SLC9B2: variants seen among roughly 807,000 people sequenced by gnomAD.
SLC9B2 encodes sodium/hydrogen exchanger 9B2.
SLC9B2 carries 39 observed loss-of-function variants against 52.2 expected under a neutral mutation model. That is an observed-to-expected ratio of 0.75 (90% CI 0.58 to 0.98). The LOEUF (loss-of-function observed/expected upper bound fraction) is 0.98. Among genes scored for constraint, SLC9B2 ranks in the 50% least tolerant of loss-of-function variants. SLC9B2 has a pLI of 0.00. For missense variants in SLC9B2, 626 were observed against 637.5 expected, an observed-to-expected ratio of 0.98 and a Z score of 0.19; for synonymous variants, 214 against 227.0, an observed-to-expected ratio of 0.94 and a Z score of 0.51.
At chr4:103,036,236 A>G (rs532715803) in intron 9 of SLC9B2, among the ~76,000 whole-genome samples, 11 of 152,338 alleles carry the variant, frequency 7.2e-5, no homozygotes, top group Admixed American at 2.6e-4. Context: ...ACATCGATGG[A>G]GCTGGAGGCC....
At chr4:103,072,513 A>AAT (rs1746750691) in intron 1 of SLC9B2, among the ~76,000 whole-genome samples, 1 of 152,212 alleles carries the variant, frequency 6.6e-6, no homozygotes, top group African/African-American at 2.4e-5. Flanking sequence ...CATTTCTGTA[A>AAT]ATATGTTTTC....
intron 4 of SLC9B2, among the ~76,000 whole-genome samples, chr4:103,050,698 A>G (rs993647551): frequency 1.3e-5 from 2 of 152,396 alleles, no homozygotes; most frequent in Non-Finnish European, 2.9e-5. Flanking sequence ...CAGCTCAGTC[A>G]GCCCTTTGCG....
chr4:103,047,118 A>G lies in SLC9B2; in HGVS notation c.822T>C (p.Ala274=), dbSNP rs1202250417. 6.2e-7 allele frequency: 1 copy of G among 1,613,964 alleles called. No homozygotes were observed. The highest frequency in any genetic ancestry group is 2.2e-5 in the East Asian group (1 of 44,884). ...EKGVPTLLMA[A]GSFDDILAIT... The stretch of plus-strand genomic sequence containing the variant: ...TGGCCAGAATGTCATCGAAGCTGCC[A>G]GCTGCCATGAGCAAGGTTGGGACAC... The change falls in exon 7 of 12, where the codon GCT becomes GCC. Residue 274 remains alanine, a synonymous_variant. Coordinates refer to ENST00000394785, the MANE Select transcript of SLC9B2 (RefSeq NM_178833.7).
chr4:103,057,531 T>A (rs1382294726), intron 4 of SLC9B2, among the ~76,000 whole-genome samples: 1 of 151,996 alleles, frequency 6.6e-6, no homozygotes, highest in Non-Finnish European at 1.5e-5. Context: ...GGTCTCGAAC[T>A]CCAGAGCTCA....
intron 9 of SLC9B2, among the ~76,000 whole-genome samples, chr4:103,035,501 T>G (rs1022233133): frequency 1.3e-5 from 2 of 152,208 alleles, no homozygotes; most frequent in Admixed American, 1.3e-4. Context: ...ATATACCCAG[T>G]AATAGGATTG....
chr4:103,067,268 T>G (rs977167112), intron 2 of SLC9B2, among the ~76,000 whole-genome samples, 193 bp downstream of exon 2: 4 of 152,170 alleles, frequency 2.6e-5, no homozygotes, highest in Non-Finnish European at 5.9e-5. Flanking sequence ...ATTCTAGAGA[T>G]TAGGTCAGAG....
At chr4:103,047,382 T>C (rs1278870354) in intron 6 of SLC9B2, among the ~76,000 whole-genome samples, 156 bp from the exon 7 acceptor site, 5 of 146,952 alleles carry the variant, frequency 3.4e-5, no homozygotes, top group African/African-American at 1.4e-4. Context: ...TAAGAATTGT[T>C]TTTTGTTTTT....
intron 1 of SLC9B2, among the ~76,000 whole-genome samples, chr4:103,075,672 T>C (rs1453178529): frequency 6.6e-6 from 1 of 152,200 alleles, no homozygotes; most frequent in Non-Finnish European, 1.5e-5. Context: ...TGCAATCCTC[T>C]AGTAGCTTTT....
In SLC9B2 at chr4:103,051,103, AGAG is replaced by A. The variant is rs142088534; in HGVS notation, c.443-724_443-722del. ...GGAAGGGGGATTTAGAGAAGGGGGAAGAGGATGAAGAAACGGCTAGGGGAGTTG... is the reference window on the plus strand; with the variant it reads ...GGAAGGGGGATTTAGAGAAGGGGGAAGATGAAGAAACGGCTAGGGGAGTTG... On this transcript the variant is annotated intron_variant, in intron 4 of 11. Transcript: ENST00000394785. 3.7e-3 allele frequency among the ~76,000 whole-genome samples: 564 copies of A among 152,316 alleles called. 3 individuals are homozygous for A. Among genetic ancestry groups the A allele is most frequent in the African/African-American group, 0.013 (533 of 41,588 alleles).
intron 3 of SLC9B2, 44 bp from the exon 4 acceptor site, chr4:103,058,015 C>A: frequency 6.6e-7 from 1 of 1,525,734 alleles, no homozygotes; most frequent in Non-Finnish European, 8.8e-7. Flanking sequence ...TAAGTTGTCA[C>A]ATGGAGGTTT....
At chr4:103,040,072 T>C (rs997484008) in intron 9 of SLC9B2, among the ~76,000 whole-genome samples, 26 of 152,298 alleles carry the variant, frequency 1.7e-4, no homozygotes, top group African/African-American at 5.5e-4. Context: ...TGTTTACCTT[T>C]CAAGATTATT....
At chr4:103,044,812 G>T in intron 8 of SLC9B2, 78 bp downstream of exon 8, 1 of 1,146,888 alleles carries the variant, frequency 8.7e-7, no homozygotes, top group Non-Finnish European at 1.3e-6. Flanking sequence ...CTTCACATCT[G>T]TCTTTGAAGG....
At chr4:103,063,488 A>G (rs1745845955) in intron 3 of SLC9B2, among the ~76,000 whole-genome samples, 1 of 152,338 alleles carries the variant, frequency 6.6e-6, no homozygotes, top group Middle Eastern at 3.4e-3. Flanking sequence ...GTGGGCATCC[A>G]TATATTTACT....
At chr4:103,066,990 A>T (rs977070765) in intron 2 of SLC9B2, among the ~76,000 whole-genome samples, 1 of 138,994 alleles carries the variant, frequency 7.2e-6, no homozygotes, top group Admixed American at 7.1e-5. Flanking sequence ...TGCAAATATT[A>T]AAAAAAAAAA....
At chr4:103,072,269 G>A (rs1207661707) in intron 1 of SLC9B2, among the ~76,000 whole-genome samples, 1 of 151,986 alleles carries the variant, frequency 6.6e-6, no homozygotes, top group African/African-American at 2.4e-5. Flanking sequence ...ATGTTGGCCA[G>A]GCTGGTCTCA....
downstream of SLC9B2, among the ~76,000 whole-genome samples, chr4:103,022,049 T>C (rs1403077382): frequency 6.6e-6 from 1 of 152,238 alleles, no homozygotes; most frequent in African/African-American, 2.4e-5. Context: ...CTAAGGTTCT[T>C]AAAGGCAAGT....
At chr4:103,067,406 G>A in intron 2 of SLC9B2, 55 bp downstream of exon 2, 1 of 1,495,808 alleles carries the variant, frequency 6.7e-7, no homozygotes, top group Non-Finnish European at 9.3e-7. Context: ...AGGAGAATTG[G>A]TAAATGAGTG....
intron 4 of SLC9B2, among the ~76,000 whole-genome samples, chr4:103,052,965 A>G (rs13113099): frequency 0.5 from 76,452 of 151,926 alleles, 21,328 homozygotes; most frequent in African/African-American, 0.77. Flanking sequence ...GATTTGGCAC[A>G]TGTCCCCACT....
chr4:103,043,039 C>T (rs1232307047), intron 9 of SLC9B2, among the ~76,000 whole-genome samples: 2 of 151,826 alleles, frequency 1.3e-5, no homozygotes, highest in Non-Finnish European at 2.9e-5. Flanking sequence ...AAATGCAATA[C>T]TCCGTAGCCA....
Sources: gnomAD v4.1 joint callset for allele counts (sites outside exome capture counted in the v4.1 genomes callset) on GRCh38, gnomAD v4.1.1 for gene constraint, MANE v1.5 for transcripts, NCBI Gene and HGNC (gene_info 2026-07-23, HGNC 2026-07-21) for gene names.